DNER: variants seen among roughly 807,000 people sequenced by gnomAD.
DNER encodes delta/notch like EGF repeat containing.
DNER carries 33 observed loss-of-function variants against 78.2 expected under a neutral mutation model. The ratio of observed to expected loss-of-function variants is 0.42; its 90% confidence interval spans 0.32 to 0.56. DNER has a LOEUF of 0.56. Ranked by LOEUF, DNER falls within the 20% of genes least tolerant of loss-of-function variation. DNER has a pLI of 0.11. For synonymous variants in DNER, 417 were observed against 384.8 expected, an observed-to-expected ratio of 1.08 and a Z score of -0.98; for missense variants, 918 against 975.3, an observed-to-expected ratio of 0.94 and a Z score of 0.78.
At chr2:229,624,559 A>G (rs1698304927) in intron 1 of DNER, among the ~76,000 whole-genome samples, 1 of 152,232 alleles carries the variant, frequency 6.6e-6, no homozygotes, top group Admixed American at 6.5e-5. Context: ...AAAACCAGAA[A>G]TACACTAATG....
Position 229,623,710 on chromosome 2 carries a change from G to A in DNER, c.277-31822C>T, listed in dbSNP as rs950009481. On this transcript the variant is annotated intron_variant, in intron 1 of 12. Coordinates refer to ENST00000341772, the MANE Select transcript of DNER (RefSeq NM_139072.4). ...AGGTGGGCACAGAGCTGCTGTCATTGGAGTGAGCACTGTTGTCACCAGCAT... is the reference window on the plus strand; with the variant it reads ...AGGTGGGCACAGAGCTGCTGTCATTAGAGTGAGCACTGTTGTCACCAGCAT... Among the ~76,000 whole-genome samples, 11 of 152,212 alleles carry A rather than the reference G, an allele frequency of 7.2e-5. 1 individual carries two copies. In the South Asian group the frequency reaches 1.2e-3, roughly 17 times the overall value.
rs905407861 is a variant in DNER, at chr2:229,362,535, C to T, written c.2103-3884G>A. Among the ~76,000 whole-genome samples the T allele has an allele frequency of 7.9e-5, 12 of 152,242 alleles. No homozygotes were observed. In the East Asian group the frequency reaches 2.1e-3, roughly 27 times the overall value. ...TGGCTTACAAATCTCACTTACAAGT[C>T]CTGGTTTTCTCACAAACTCTGTGAC... On this transcript the variant is annotated intron_variant, in intron 12 of 12. Transcript: ENST00000341772.
At chr2:229,536,136 T>G (rs1696399352) in intron 5 of DNER, among the ~76,000 whole-genome samples, 1 of 152,168 alleles carries the variant, frequency 6.6e-6, no homozygotes, top group Non-Finnish European at 1.5e-5. Flanking sequence ...TCCCTCAAAA[T>G]CTGAAAGAAG....
intron 12 of DNER, among the ~76,000 whole-genome samples, chr2:229,364,951 A>C (rs138246301): frequency 0.016 from 2,403 of 148,532 alleles, 57 homozygotes; most frequent in African/African-American, 0.056. Context: ...CGTGGGTTCA[A>C]GTGATTCTCC....
chr2:229,681,691 G>C (rs908680066), intron 1 of DNER, among the ~76,000 whole-genome samples: 6 of 152,124 alleles, frequency 3.9e-5, no homozygotes, highest in Non-Finnish European at 7.4e-5. Context: ...CACTCGAGGA[G>C]AATGAAAACA....
chr2:229,553,096 G>T (rs1019904850), intron 4 of DNER, among the ~76,000 whole-genome samples: 1 of 152,102 alleles, frequency 6.6e-6, no homozygotes, highest in Admixed American at 6.6e-5. Flanking sequence ...ATGCTAAATG[G>T]GGGCCATCCT....
intron 4 of DNER, among the ~76,000 whole-genome samples, chr2:229,555,418 C>A (rs1001062715): frequency 6.6e-6 from 1 of 152,082 alleles, no homozygotes; most frequent in African/African-American, 2.4e-5. Flanking sequence ...GTCTGGAATA[C>A]TCCTCCTTCT....
At chr2:229,406,509 A>G (rs996053577) in intron 10 of DNER, among the ~76,000 whole-genome samples, 1 of 152,118 alleles carries the variant, frequency 6.6e-6, no homozygotes, top group Non-Finnish European at 1.5e-5. Context: ...AAGCCTGGGG[A>G]ACAGAAAGTT....
intron 8 of DNER, among the ~76,000 whole-genome samples, chr2:229,424,400 T>A (rs1389489233): frequency 6.6e-6 from 1 of 152,180 alleles, no homozygotes; most frequent in East Asian, 1.9e-4. Context: ...TCCAAACGCA[T>A]TGTCTAGTAT....
At chr2:229,566,637 T>C (rs925036133) in intron 4 of DNER, among the ~76,000 whole-genome samples, 26 of 152,146 alleles carry the variant, frequency 1.7e-4, no homozygotes, top group Non-Finnish European at 3.5e-4. Flanking sequence ...TTTTTCCACT[T>C]GCTAGAGATC....
chr2:229,563,518 T>TCCCATCACAATCATCGTCATCATCCTCAC (rs1697013147), intron 4 of DNER, among the ~76,000 whole-genome samples: 1 of 86,620 alleles, frequency 1.2e-5, no homozygotes, highest in Non-Finnish European at 2.1e-5. Flanking sequence ...AACATCATCA[T>TCCCATCACAATCATCGTCATCATCCTCAC]CCCATCACCA....
chr2:229,686,497 C>T (rs1416354488), intron 1 of DNER, among the ~76,000 whole-genome samples: 1 of 152,198 alleles, frequency 6.6e-6, no homozygotes, highest in Non-Finnish European at 1.5e-5. Flanking sequence ...TTCAAACAAG[C>T]CAACAGAGGC....
chr2:229,366,811 G>A, intron 12 of DNER, 62 bp downstream of exon 12: 1 of 1,602,212 alleles, frequency 6.2e-7, no homozygotes, highest in Non-Finnish European at 8.5e-7. Flanking sequence ...TGTATAATAT[G>A]ACCCTGTTCC....
chr2:229,711,789 C>A (rs1194497516), intron 1 of DNER, among the ~76,000 whole-genome samples: 1 of 152,126 alleles, frequency 6.6e-6, no homozygotes, highest in Non-Finnish European at 1.5e-5. Context: ...TCTGCAGTGG[C>A]TAAGATCCAA....
chr2:229,584,122 T>C (rs1248101026), intron 4 of DNER, among the ~76,000 whole-genome samples: 2 of 152,186 alleles, frequency 1.3e-5, no homozygotes, highest in African/African-American at 4.8e-5. Context: ...AAATGCATAT[T>C]TTCCATTTAG....
At chr2:229,382,479 A>G (rs138552934) in intron 11 of DNER, among the ~76,000 whole-genome samples, 4,461 of 152,176 alleles carry the variant, frequency 0.029, 94 homozygotes, top group African/African-American at 0.059. Flanking sequence ...TGAGCTAAAG[A>G]AGCATGTTCT....
intron 1 of DNER, among the ~76,000 whole-genome samples, chr2:229,671,654 T>C (rs1699211291): frequency 6.6e-6 from 1 of 152,224 alleles, no homozygotes; most frequent in African/African-American, 2.4e-5. Flanking sequence ...GCTGAATTAA[T>C]TGCTAGAGTC....
chr2:229,712,238 A>G (rs1220054830), intron 1 of DNER, among the ~76,000 whole-genome samples: 1 of 152,238 alleles, frequency 6.6e-6, no homozygotes, highest in Non-Finnish European at 1.5e-5. Context: ...AATGTTATGT[A>G]TTAGTTCCTG....
intron 5 of DNER, among the ~76,000 whole-genome samples, chr2:229,520,666 A>T (rs1280580470): frequency 6.6e-6 from 1 of 152,208 alleles, no homozygotes; most frequent in Non-Finnish European, 1.5e-5. Flanking sequence ...AAGGAAAGCT[A>T]AAACTCGGAA....
Sources: allele counts gnomAD v4.1 joint callset (sites outside exome capture counted in the v4.1 genomes callset), GRCh38; gene constraint gnomAD v4.1.1; transcripts MANE v1.5; gene names NCBI Gene and HGNC (gene_info 2026-07-23, HGNC 2026-07-21).